MDGA2: variants seen among roughly 807,000 people sequenced by gnomAD.
MDGA2 encodes the protein MAM domain-containing glycosylphosphatidylinositol anchor protein 2.
A neutral mutation model predicts 117.8 loss-of-function variants in MDGA2; 40 were observed. The observed-to-expected ratio is 0.34, with a 90% CI of 0.26 to 0.44. The LOEUF (loss-of-function observed/expected upper bound fraction) is 0.44. Ranked by LOEUF, MDGA2 falls within the 20% of genes least tolerant of loss-of-function variation. The pLI is 1.00. For missense variants in MDGA2, 1,123 were observed against 1,250.6 expected (o/e 0.90, Z 1.54); for synonymous variants, 452 against 439.0 (o/e 1.03, Z -0.37).
In MDGA2 at chr14:47,569,263, C is replaced by T. The variant is rs533441345; in HGVS notation, c.280+105254G>A. 1.2e-3 allele frequency among the ~76,000 whole-genome samples: 177 copies of T among 152,072 alleles called. 1 individual carries two copies. Among genetic ancestry groups the T allele is most frequent in the African/African-American group, 4.0e-3 (166 of 41,482 alleles). ...TGAAATAATATGTGTTTTTAGTGTC[C>T]AGGGCCAAAATCTAATAATCATTCT... On this transcript the variant is annotated intron_variant, in intron 1 of 16. Coordinates refer to ENST00000399232, the MANE Select transcript of MDGA2 (RefSeq NM_001113498.3).
chr14:47,519,978 C>T (rs1894836211), intron 1 of MDGA2, among the ~76,000 whole-genome samples: 1 of 152,120 alleles, frequency 6.6e-6, no homozygotes. Flanking sequence ...TCAGTAGAGC[C>T]ACTGCTTGAG....
intron 1 of MDGA2, among the ~76,000 whole-genome samples, chr14:47,471,010 AT>A (rs1488322713): frequency 6.6e-6 from 1 of 152,142 alleles, no homozygotes; most frequent in East Asian, 1.9e-4. Flanking sequence ...GGGCAGAAAT[AT>A]GGGAAGATTA....
At chr14:47,163,678 C>T (rs145259722) in intron 3 of MDGA2, among the ~76,000 whole-genome samples, 4 of 152,270 alleles carry the variant, frequency 2.6e-5, no homozygotes, top group Admixed American at 6.5e-5. Context: ...TGAAAACGGA[C>T]TAATACAGTG....
At chr14:47,591,712 G>A (rs375736119) in intron 1 of MDGA2, among the ~76,000 whole-genome samples, 6 of 151,968 alleles carry the variant, frequency 3.9e-5, no homozygotes, top group Admixed American at 1.3e-4. Context: ...CTCAGAAAGA[G>A]CCTTCAATAA....
intron 14 of MDGA2, among the ~76,000 whole-genome samples, chr14:46,864,554 T>TTG (rs1555329916): frequency 1.0e-4 from 4 of 38,224 alleles, no homozygotes; most frequent in African/African-American, 6.5e-4. Flanking sequence ...TGTTTTTTTT[T>TTG]TTTTTTTTTT....
chr14:46,873,064 A>G (rs547747221), intron 14 of MDGA2, among the ~76,000 whole-genome samples: 6 of 152,108 alleles, frequency 3.9e-5, no homozygotes, highest in African/African-American at 1.4e-4. Context: ...GCAACATGAC[A>G]ATATTACTTT....
At chr14:47,291,232 G>C (rs1394870734) in intron 2 of MDGA2, among the ~76,000 whole-genome samples, 1 of 152,122 alleles carries the variant, frequency 6.6e-6, no homozygotes, top group South Asian at 2.1e-4. Context: ...AAATGACTTG[G>C]AGAAATATTT....
At chr14:47,529,757 G>A (rs927234649) in intron 1 of MDGA2, among the ~76,000 whole-genome samples, 1 of 152,122 alleles carries the variant, frequency 6.6e-6, no homozygotes, top group Non-Finnish European at 1.5e-5. Context: ...ATGGGTAGGG[G>A]TAAGTTACAT....
chr14:47,257,670 A>G (rs143806046), intron 2 of MDGA2, among the ~76,000 whole-genome samples: 276 of 152,204 alleles, frequency 1.8e-3, no homozygotes, highest in African/African-American at 6.2e-3. Context: ...TAAACTGACT[A>G]CATAATTTGA....
chr14:47,326,792 C>T (rs61993089), intron 1 of MDGA2, among the ~76,000 whole-genome samples: 50,490 of 151,816 alleles, frequency 0.33, 9,265 homozygotes, highest in Admixed American at 0.52. Context: ...GCTTTAGAAA[C>T]GGAGACATTA....
rs563716475 is a variant in MDGA2 at position 47,372,751 on chromosome 14, G to A, written c.281-71201C>T. On this transcript the variant is annotated intron_variant, in intron 1 of 16. Coordinates refer to ENST00000399232, the MANE Select transcript of MDGA2 (RefSeq NM_001113498.3). ...TATTGTATTACTTATAAAAACATAT[G>A]TAAAAAATGATTATCGTAGCTTTGT... Among the ~76,000 whole-genome samples, 247 of 151,960 alleles carry A rather than the reference G, an allele frequency of 1.6e-3. 1 individual carries two copies. Among genetic ancestry groups the A allele is most frequent in the South Asian group, 3.3e-3 (16 of 4,822 alleles).
intron 1 of MDGA2, among the ~76,000 whole-genome samples, chr14:47,495,292 G>T (rs1894258092): frequency 6.6e-6 from 1 of 151,910 alleles, no homozygotes; most frequent in Non-Finnish European, 1.5e-5. Context: ...TGGTTGGGTG[G>T]CATGAGGGGA....
chr14:47,218,362 T>C lies in MDGA2; in HGVS notation c.421-167A>G, dbSNP rs1365185497. Among the ~76,000 whole-genome samples, 4 of 152,122 alleles carry C rather than the reference T, an allele frequency of 2.6e-5. No homozygotes were observed. The South Asian group carries it at 6.2e-4, about 24-fold the overall frequency. On this transcript the variant is annotated intron_variant, in intron 2 of 16. Transcript: ENST00000399232. The stretch of plus-strand genomic sequence containing the variant: ...TTACAGACACGATTGAATTAAAAAA[T>C]TTTTAATGTAATGTCATCATTGTAC...
intron 8 of MDGA2, among the ~76,000 whole-genome samples, chr14:46,968,379 T>C (rs1886119957): frequency 6.6e-6 from 1 of 151,960 alleles, no homozygotes; most frequent in African/African-American, 2.4e-5. Flanking sequence ...CCACATAGAA[T>C]TCAGCAGCAC....
At chr14:47,481,206 G>A (rs1315680725) in intron 1 of MDGA2, among the ~76,000 whole-genome samples, 2 of 151,944 alleles carry the variant, frequency 1.3e-5, no homozygotes, top group Non-Finnish European at 2.9e-5. Context: ...AAAGTGATAA[G>A]CGTAGGAGGA....
intron 2 of MDGA2, among the ~76,000 whole-genome samples, chr14:47,256,156 C>T (rs1042228282): frequency 1.4e-5 from 2 of 140,814 alleles, no homozygotes; most frequent in Non-Finnish European, 3.1e-5. Flanking sequence ...CTATTTTATT[C>T]AAGCCCCACA....
intron 9 of MDGA2, among the ~76,000 whole-genome samples, chr14:46,956,888 G>A (rs1385807055): frequency 6.6e-6 from 1 of 152,082 alleles, no homozygotes; most frequent in Non-Finnish European, 1.5e-5. Flanking sequence ...CATGAGATCT[G>A]ATAGTTTAAA....
intron 8 of MDGA2, among the ~76,000 whole-genome samples, chr14:46,967,533 T>C (rs545460030): frequency 7.4e-4 from 112 of 152,292 alleles, no homozygotes; most frequent in South Asian, 1.0e-3. Context: ...TGACAACCTC[T>C]CTCTCCATGA....
chr14:47,095,026 C>G (rs745665946), intron 6 of MDGA2, among the ~76,000 whole-genome samples: 26 of 151,818 alleles, frequency 1.7e-4, no homozygotes, highest in Non-Finnish European at 2.9e-4. Flanking sequence ...TTCTGTATTC[C>G]ATAAAGAACT....
Sources: gnomAD v4.1 joint callset for allele counts (sites outside exome capture counted in the v4.1 genomes callset) on GRCh38, gnomAD v4.1.1 for gene constraint, MANE v1.5 for transcripts, NCBI Gene and HGNC (gene_info 2026-07-23, HGNC 2026-07-21) for gene names.